Variants in ELP4 observed in about 807,000 individuals in gnomAD.
ELP4 encodes elongator acetyltransferase complex subunit 4.
ELP4 carries 51 observed loss-of-function variants against 48.9 expected under a neutral mutation model. That is an observed-to-expected ratio of 1.04 (90% CI 0.83 to 1.32). ELP4 has a LOEUF of 1.32. ELP4 is among the 40% of genes most tolerant of loss of function. ELP4 has a pLI of 0.00. For synonymous variants in ELP4, 210 were observed against 189.2 expected, an observed-to-expected ratio of 1.11 and a Z score of -0.90; for missense variants, 519 against 514.6, an observed-to-expected ratio of 1.01 and a Z score of -0.08.
chr11:31,645,600 A>T (rs1311338671), intron 7 of ELP4: 2 of 151,758 alleles, frequency 1.3e-5, no homozygotes, highest in African/African-American at 4.8e-5. Context: ...GACTTGTATC[A>T]TTTTAGTTTC....
chr11:31,549,064 A>T (rs1956788615), intron 3 of ELP4, among the ~76,000 whole-genome samples: 1 of 152,124 alleles, frequency 6.6e-6, no homozygotes, highest in African/African-American at 2.4e-5. Flanking sequence ...ACCATTCAGG[A>T]CATAGGCATG....
chr11:31,544,288 C>T (rs377370811), intron 3 of ELP4, among the ~76,000 whole-genome samples: 5 of 152,364 alleles, frequency 3.3e-5, no homozygotes, highest in African/African-American at 9.6e-5. Context: ...AATCGGGTCA[C>T]TCCCACCTGA....
intron 9 of ELP4, among the ~76,000 whole-genome samples, chr11:31,694,615 C>A (rs1946359532): frequency 1.3e-5 from 2 of 152,086 alleles, no homozygotes; most frequent in South Asian, 4.1e-4. Context: ...TGGCTTTGTT[C>A]TTTTGGCTTA....
chr11:31,673,331 TTTTG>T (rs979307736), intron 9 of ELP4, among the ~76,000 whole-genome samples: 2 of 151,588 alleles, frequency 1.3e-5, no homozygotes, highest in African/African-American at 2.4e-5. Context: ...GTTTGTTTGT[TTTTG>T]TTTGTTTGTT....
chr11:31,555,273 C>G (rs1045720877), intron 3 of ELP4, among the ~76,000 whole-genome samples: 4 of 151,890 alleles, frequency 2.6e-5, no homozygotes, highest in African/African-American at 9.7e-5. Context: ...TGTGACAGTT[C>G]GTTAAGTTAT....
At chr11:31,514,202 T>G (rs1023873410) in intron 1 of ELP4, among the ~76,000 whole-genome samples, 1 of 152,224 alleles carries the variant, frequency 6.6e-6, no homozygotes, top group South Asian at 2.1e-4. Flanking sequence ...CTCACACTTA[T>G]AATCCCAGCA....
intron 3 of ELP4, among the ~76,000 whole-genome samples, chr11:31,563,437 G>C (rs919641636): frequency 6.6e-6 from 1 of 152,012 alleles, no homozygotes; most frequent in African/African-American, 2.4e-5. Context: ...AAATAATATA[G>C]CAGTAAGAAC....
chr11:31,600,056 A>T (rs1043820539), intron 4 of ELP4: 1 of 152,184 alleles, frequency 6.6e-6, no homozygotes, highest in Non-Finnish European at 1.5e-5. Flanking sequence ...CTTTTAAAAT[A>T]AGTTGTCACC....
chr11:31,546,355 C>A (rs1037734313), intron 3 of ELP4, among the ~76,000 whole-genome samples: 1 of 152,204 alleles, frequency 6.6e-6, no homozygotes, highest in African/African-American at 2.4e-5. Context: ...ATAAAACAGA[C>A]TTTAAACCAA....
chr11:31,747,003 T>C (rs971016283), intron 9 of ELP4, among the ~76,000 whole-genome samples: 3 of 151,926 alleles, frequency 2.0e-5, no homozygotes, highest in Admixed American at 6.6e-5. Flanking sequence ...CTTTTAAATA[T>C]ATATGCTATT....
chr11:31,547,625 A>C (rs1009789662), intron 3 of ELP4, among the ~76,000 whole-genome samples: 6 of 152,316 alleles, frequency 3.9e-5, no homozygotes, highest in Admixed American at 6.5e-5. Context: ...AATGTTCCCT[A>C]ACTCATTTTA....
chr11:31,575,003 G>A (rs566608937), intron 3 of ELP4, among the ~76,000 whole-genome samples: 3 of 152,234 alleles, frequency 2.0e-5, no homozygotes, highest in East Asian at 3.9e-4. Context: ...AGCTAAAGAA[G>A]GATATTCGAA....
chr11:31,517,850 C>T (rs1394667984), intron 1 of ELP4, among the ~76,000 whole-genome samples: 1 of 151,598 alleles, frequency 6.6e-6, no homozygotes, highest in East Asian at 2.0e-4. Context: ...GAGCTCCTGA[C>T]CTCATGATCC....
At chr11:31,663,558 T>C (rs916231731) in intron 9 of ELP4, 1 of 152,028 alleles carries the variant, frequency 6.6e-6, no homozygotes, top group African/African-American at 2.4e-5. Context: ...GATATATTGA[T>C]TTTATTAGCA....
At chr11:31,531,061 T>C (rs1956389010) in intron 2 of ELP4, among the ~76,000 whole-genome samples, 1 of 152,204 alleles carries the variant, frequency 6.6e-6, no homozygotes, top group African/African-American at 2.4e-5. Context: ...AACCTCAAAA[T>C]TTGTTTCACA....
intron 5 of ELP4, among the ~76,000 whole-genome samples, chr11:31,616,220 A>G (rs894849155): frequency 6.6e-6 from 1 of 152,070 alleles, no homozygotes; most frequent in African/African-American, 2.4e-5. Context: ...GTATAAAGTA[A>G]AAATTGCGTA....
At chr11:31,618,248 A>G (rs1467755595) in intron 5 of ELP4, among the ~76,000 whole-genome samples, 2 of 152,274 alleles carry the variant, frequency 1.3e-5, no homozygotes, top group South Asian at 2.1e-4. Context: ...TTGTGCTGCT[A>G]TAACACAATA....
intron 9 of ELP4, among the ~76,000 whole-genome samples, chr11:31,729,003 A>G (rs1464353385): frequency 1.3e-5 from 2 of 152,184 alleles, no homozygotes; most frequent in African/African-American, 2.4e-5. Context: ...CATTTATATT[A>G]AAGCACAAAA....
chr11:31,581,272 C>T (rs1160414392), intron 3 of ELP4, among the ~76,000 whole-genome samples: 1 of 152,102 alleles, frequency 6.6e-6, no homozygotes, highest in Admixed American at 6.6e-5. Flanking sequence ...TGTAAGATGT[C>T]TTGTTTCCTG....
Sources: gnomAD v4.1 joint callset for allele counts (sites outside exome capture counted in the v4.1 genomes callset) on GRCh38, gnomAD v4.1.1 for gene constraint, MANE v1.5 for transcripts, NCBI Gene and HGNC (gene_info 2026-07-23, HGNC 2026-07-21) for gene names.